Variants in WDR17 observed in about 807,000 individuals in gnomAD.
WDR17 encodes WD repeat domain 17, also known as WD repeat-containing protein 17.
Under a neutral mutation model 161.7 loss-of-function variants are expected in WDR17, and 143 were observed. The observed-to-expected ratio is 0.88, with a 90% CI of 0.77 to 1.02. The LOEUF is 1.02. WDR17 is among the 50% of genes least tolerant of loss of function. WDR17 has a pLI of 0.00. For missense variants in WDR17, 1,469 were observed against 1,520.9 expected (o/e 0.97, Z 0.57); for synonymous variants, 517 against 515.6 (o/e 1.00, Z -0.04).
intron 18 of WDR17, among the ~76,000 whole-genome samples, chr4:176,157,033 C>T (rs1748253395): frequency 1.3e-5 from 2 of 152,138 alleles, no homozygotes; most frequent in Non-Finnish European, 2.9e-5. Context: ...ATTACATCGG[C>T]TAAGACCCTA....
intron 12 of WDR17, among the ~76,000 whole-genome samples, chr4:176,147,716 G>A (rs1251036408): frequency 4.0e-5 from 6 of 151,708 alleles, no homozygotes; most frequent in South Asian, 2.1e-4. Flanking sequence ...GTAACTAACC[G>A]GCACATTGTG....
chr4:176,171,603 A>G (rs991738345), intron 23 of WDR17, among the ~76,000 whole-genome samples: 5 of 152,222 alleles, frequency 3.3e-5, no homozygotes, highest in Admixed American at 6.5e-5. Flanking sequence ...GAAACAAACC[A>G]TGAAACTATT....
chr4:176,162,516 A>T (rs913943369), intron 21 of WDR17, among the ~76,000 whole-genome samples: 1 of 152,230 alleles, frequency 6.6e-6, no homozygotes, highest in Non-Finnish European at 1.5e-5. Flanking sequence ...TTTCTCACAC[A>T]TACTGACTTT....
At position 176,103,655 on chromosome 4, in the gene WDR17, A is replaced by T. The variant is rs116836984; in HGVS notation, c.-6-7920A>T. Among the ~76,000 whole-genome samples, 660 of 152,264 alleles carry T rather than the reference A, an allele frequency of 4.3e-3. 5 individuals are homozygous for T. The highest frequency in any genetic ancestry group is 0.015 in the African/African-American group (615 of 41,574). On this transcript the variant is annotated intron_variant, in intron 1 of 28. Transcript: ENST00000508596. ...AATAACAAGTAAAATAGAAGAATTC[A>T]AAGACATATTTAAGAAGAAAATATT...
chr4:176,105,307 A>T (rs1425547848), intron 1 of WDR17, among the ~76,000 whole-genome samples: 1 of 152,062 alleles, frequency 6.6e-6, no homozygotes, highest in African/African-American at 2.4e-5. Flanking sequence ...CTCAATAATG[A>T]ATACATCAGA....
At chr4:176,161,050 C>G (rs528211719) in intron 20 of WDR17, 48 bp downstream of exon 20, 4 of 1,504,220 alleles carry the variant, frequency 2.7e-6, no homozygotes, top group Non-Finnish European at 3.6e-6. Context: ...GGTTGTCTTC[C>G]CTTTAGGAAT....
At chr4:176,125,444 G>A (rs1242108172) in intron 5 of WDR17, 89 bp downstream of exon 5, 2 of 1,462,600 alleles carry the variant, frequency 1.4e-6, no homozygotes, top group East Asian at 2.3e-5. Context: ...GGTTGATTTT[G>A]TGTAAAATGT....
In WDR17 at chr4:176,149,863, A is replaced by G. The variant is rs1746827594; in HGVS notation, c.1954A>G (p.Thr652Ala). 6.2e-7 allele frequency: 1 copy of G among 1,614,038 alleles called. No individual in the cohort carries two copies. Among genetic ancestry groups the G allele is most frequent in the East Asian group, 2.2e-5 (1 of 44,860 alleles). ...FTMASCSRDS[T>A]VRLWSLTALV... ...TATGGCCTCTTGCTCCCGTGACTCT[A>G]CAGTGAGACTCTGGTCATTAACAGC... Residue 652 changes from threonine to alanine, a missense_variant, in exon 14 of 29, where the codon ACA becomes GCA. Transcript: ENST00000508596.
chr4:176,172,845 A>T (rs934662536), intron 24 of WDR17, among the ~76,000 whole-genome samples: 1 of 151,918 alleles, frequency 6.6e-6, no homozygotes, highest in South Asian at 2.1e-4. Context: ...GCTCTTAAAC[A>T]CTCAGATCTC....
Position 176,101,663 on chromosome 4 carries a change from C to T in WDR17, c.-6-9912C>T, listed in dbSNP as rs187722326. ...CCAATAAAAAAGACAGCCATGGTAT[C>T]TGCAAAAGGATAGACAGATAGATCA... On this transcript the variant is annotated intron_variant, in intron 1 of 28. Transcript: ENST00000508596. Among the ~76,000 whole-genome samples the T allele has an allele frequency of 9.7e-4, 147 of 152,186 alleles. No homozygotes were observed. The Middle Eastern group carries it at 0.014, about 14-fold the overall frequency.
At chr4:176,148,806 T>G (rs73871909) in intron 13 of WDR17, among the ~76,000 whole-genome samples, 2 of 152,220 alleles carry the variant, frequency 1.3e-5, no homozygotes, top group Non-Finnish European at 2.9e-5. Context: ...AATCCCGTTT[T>G]TTTAATATAA....
intron 3 of WDR17, 131 bp from the exon 4 acceptor site, chr4:176,119,736 A>G (rs1035080365): frequency 4.2e-5 from 35 of 831,474 alleles, no homozygotes; most frequent in Non-Finnish European, 6.2e-5. Context: ...TATAAATCCA[A>G]TTCCCAAATA....
At chr4:176,169,486 T>A (rs1198729477) in intron 23 of WDR17, among the ~76,000 whole-genome samples, 1 of 147,964 alleles carries the variant, frequency 6.8e-6, no homozygotes, top group Non-Finnish European at 1.5e-5. Context: ...TGCCATATGA[T>A]TTTGGTTTGA....
intron 1 of WDR17, among the ~76,000 whole-genome samples, chr4:176,070,994 A>G (rs1733158146): frequency 6.6e-6 from 1 of 152,186 alleles, no homozygotes; most frequent in African/African-American, 2.4e-5. Flanking sequence ...TTTGATAGAC[A>G]GATAAGCATG....
At chr4:176,106,384 G>T (rs1340874428) in intron 1 of WDR17, among the ~76,000 whole-genome samples, 2 of 151,970 alleles carry the variant, frequency 1.3e-5, no homozygotes, top group Non-Finnish European at 2.9e-5. Flanking sequence ...ATGCAGAAAG[G>T]CCAGTCTTAA....
chr4:176,115,873 G>A lies in WDR17; in HGVS notation c.201G>A (p.Trp67Ter). The A allele has an allele frequency of 6.2e-7, 1 of 1,611,162 alleles. No individual in the cohort carries two copies. Among genetic ancestry groups the A allele is most frequent in the South Asian group, 1.1e-5 (1 of 90,770 alleles). The change falls in exon 3 of 29, where the codon TGG becomes TGA. Residue 67 changes from tryptophan to a stop codon, truncating the protein, a stop_gained. Coordinates refer to ENST00000508596, the MANE Select transcript of WDR17 (RefSeq NM_181265.4). LOFTEE classifies it high-confidence loss of function. Reference protein sequence around the residue: ...EHKKTITAISWCPHNPDLFAS... With the variant: ...EHKKTITAIS Reference sequence around the variant, plus strand: ...AAAAAACAATCACAGCAATTTCTTGGTGTCCACATAATCCTGATCTGTTTG... The same window carrying A: ...AAAAAACAATCACAGCAATTTCTTGATGTCCACATAATCCTGATCTGTTTG...
intron 1 of WDR17, among the ~76,000 whole-genome samples, chr4:176,104,104 G>A (rs1049327189): frequency 6.6e-6 from 1 of 152,176 alleles, no homozygotes; most frequent in South Asian, 2.1e-4. Flanking sequence ...AAGGAAATGG[G>A]CCAATATATT....
intron 7 of WDR17, among the ~76,000 whole-genome samples, chr4:176,133,766 A>T (rs1743939170): frequency 6.6e-6 from 1 of 151,576 alleles, no homozygotes; most frequent in Non-Finnish European, 1.5e-5. Context: ...AATATTTTTT[A>T]AAATCTTACA....
intron 22 of WDR17, among the ~76,000 whole-genome samples, chr4:176,167,530 C>A (rs1424410439): frequency 6.7e-6 from 1 of 149,270 alleles, no homozygotes; most frequent in Non-Finnish European, 1.5e-5. Flanking sequence ...CCTGTAGTCC[C>A]AGCTACTCGG....
Sources: allele counts gnomAD v4.1 joint callset (sites outside exome capture counted in the v4.1 genomes callset), GRCh38; gene constraint gnomAD v4.1.1; transcripts MANE v1.5; gene names NCBI Gene and HGNC (gene_info 2026-07-23, HGNC 2026-07-21).